CHMP4B: variants seen among roughly 807,000 people sequenced by gnomAD.
CHMP4B encodes SNF7 homolog associated with Alix 1.
CHMP4B carries 1 observed loss-of-function variant against 25.1 expected under a neutral mutation model. That is an observed-to-expected ratio of 0.04 (90% confidence interval 0.01 to 0.19). The LOEUF (loss-of-function observed/expected upper bound fraction) is 0.19, where lower values mean the gene tolerates loss of function less well. Among genes scored for constraint, CHMP4B ranks in the 10% least tolerant of loss-of-function variants. The probability of loss-of-function intolerance (pLI) is 1.00; values close to 1 mark genes in which losing one functional copy is unlikely to be tolerated. For synonymous variants in CHMP4B, 101 were observed against 115.6 expected (o/e 0.87, Z 0.81); for missense variants, 151 against 289.7 (o/e 0.52, Z 3.48).
At chr20:33,846,518 A>G (rs899134340) in intron 1 of CHMP4B, among the ~76,000 whole-genome samples, 1 of 152,146 alleles carries the variant, frequency 6.6e-6, no homozygotes, top group African/African-American at 2.4e-5. Flanking sequence ...TTATGTGTGT[A>G]TGTATGTATT....
chr20:33,826,397 G>T (rs1979095598), intron 1 of CHMP4B, among the ~76,000 whole-genome samples: 1 of 152,116 alleles, frequency 6.6e-6, no homozygotes, highest in South Asian at 2.1e-4. Context: ...GGTAGTGGTG[G>T]CTCAGGTGGG....
intron 1 of CHMP4B, among the ~76,000 whole-genome samples, chr20:33,820,500 T>C (rs1978910054): frequency 6.6e-6 from 1 of 152,254 alleles, no homozygotes; most frequent in African/African-American, 2.4e-5. Context: ...TGCTAGATAC[T>C]GTCCTAGTTG....
intron 1 of CHMP4B, among the ~76,000 whole-genome samples, chr20:33,821,645 T>A (rs939448891): frequency 1.3e-5 from 2 of 151,774 alleles, no homozygotes; most frequent in African/African-American, 4.8e-5. Context: ...CAGATTAGGC[T>A]GGGTATGGTG....
chr20:33,823,405 T>C (rs752218634), intron 1 of CHMP4B, among the ~76,000 whole-genome samples: 4 of 152,118 alleles, frequency 2.6e-5, no homozygotes, highest in Non-Finnish European at 5.9e-5. Flanking sequence ...GGATCTCAGC[T>C]CTGTCGCCCA....
At chr20:33,847,493 G>A (rs1287862288) in intron 1 of CHMP4B, among the ~76,000 whole-genome samples, 1 of 152,164 alleles carries the variant, frequency 6.6e-6, no homozygotes, top group East Asian at 1.9e-4. Context: ...AACTGAGACC[G>A]TGAGGGGAAG....
chr20:33,822,046 A>T (rs1328737589), intron 1 of CHMP4B, among the ~76,000 whole-genome samples: 3 of 151,764 alleles, frequency 2.0e-5, no homozygotes, highest in Non-Finnish European at 4.4e-5. Context: ...GCTGGTCTCA[A>T]ACTCCTGAGC....
In CHMP4B at chr20:33,840,865, A is replaced by G. The variant is rs542733279; in HGVS notation, c.191-7602A>G. Among the ~76,000 whole-genome samples, 33 of 152,232 alleles carry G rather than the reference A, an allele frequency of 2.2e-4. No homozygotes were observed. The South Asian group carries it at 6.0e-3, about 28-fold the overall frequency. On this transcript the variant is annotated intron_variant, in intron 1 of 4. Transcript: ENST00000217402. ...TCATTTTAATCCTCACAATAACCCT[A>G]TGAGGTGCGTGTTGTTATCATGAGG...
chr20:33,816,816 T>C (rs1425295570), intron 1 of CHMP4B, among the ~76,000 whole-genome samples: 2 of 152,234 alleles, frequency 1.3e-5, no homozygotes, highest in Non-Finnish European at 2.9e-5. Context: ...AAACACCCTA[T>C]ACTGGTACAT....
At chr20:33,818,821 A>G (rs181277258) in intron 1 of CHMP4B, among the ~76,000 whole-genome samples, 3 of 152,218 alleles carry the variant, frequency 2.0e-5, no homozygotes, top group Admixed American at 1.3e-4. Context: ...CAGCCATTCT[A>G]CATTTCATTG....
At chr20:33,825,441 C>G (rs554258439) in intron 1 of CHMP4B, among the ~76,000 whole-genome samples, 3 of 152,270 alleles carry the variant, frequency 2.0e-5, no homozygotes, top group Admixed American at 2.0e-4. Context: ...CCTATGAGCT[C>G]ACAGTCCATA....
chr20:33,825,263 G>A (rs566232694), intron 1 of CHMP4B, among the ~76,000 whole-genome samples: 6 of 152,296 alleles, frequency 3.9e-5, no homozygotes, highest in East Asian at 1.9e-4. Flanking sequence ...CCCTTCAACC[G>A]ATATTCACTA....
At position 33,830,933 on chromosome 20, in the gene CHMP4B, G is replaced by GTTTTTTTTTTTTTTTTT. The variant is rs55917511; in HGVS notation, c.191-17518_191-17517insTTTTTTTTTTTTTTTTT. Reference sequence around the variant, plus strand: ...TGAATTAATTGTTCAAAGGAACAGAGTTTTTTTTTTTTTTTTAGTTTTTTT... The same window carrying GTTTTTTTTTTTTTTTTT: ...TGAATTAATTGTTCAAAGGAACAGAGTTTTTTTTTTTTTTTTTTTTTTTTTTTTTTTTTAGTTTTTTT... On this transcript the variant is annotated intron_variant, in intron 1 of 4. Transcript: ENST00000217402. Among the ~76,000 whole-genome samples the GTTTTTTTTTTTTTTTTT allele has an allele frequency of 1.4e-3, 143 of 102,446 alleles. 9 individuals carry two copies. Among genetic ancestry groups the GTTTTTTTTTTTTTTTTT allele is most frequent in the African/African-American group, 1.9e-3 (51 of 27,394 alleles). The allele number at this position is 102,446 out of a possible 152,430, so 67.2% of individuals were successfully genotyped here. A position where few individuals can be genotyped will look rare whatever the true frequency, so the allele number is the denominator to read the frequency against.
At chr20:33,830,005 C>G (rs1245760304) in intron 1 of CHMP4B, among the ~76,000 whole-genome samples, 2 of 152,222 alleles carry the variant, frequency 1.3e-5, no homozygotes, top group Non-Finnish European at 2.9e-5. Context: ...CCCCCACTCC[C>G]ATTTTACAAA....
chr20:33,841,978 G>T lies in CHMP4B; in HGVS notation c.191-6489G>T, dbSNP rs541349490. Among the ~76,000 whole-genome samples the T allele has an allele frequency of 2.6e-5, 4 of 152,252 alleles. No individual in the cohort carries two copies. The South Asian group carries it at 8.3e-4, about 32-fold the overall frequency. On this transcript the variant is annotated intron_variant, in intron 1 of 4. Transcript: ENST00000217402. ...GCTGGAAACCTGGGTACTAGTCCTG[G>T]TTCTTTCTCTGTCTCACTGTGCACT...
chr20:33,823,265 A>T (rs1978997161), intron 1 of CHMP4B, among the ~76,000 whole-genome samples: 1 of 152,060 alleles, frequency 6.6e-6, no homozygotes, highest in Non-Finnish European at 1.5e-5. Context: ...GAGTGGTATT[A>T]TCCTATTTTA....
intron 1 of CHMP4B, among the ~76,000 whole-genome samples, chr20:33,831,995 G>A (rs1411137068): frequency 6.6e-6 from 1 of 152,162 alleles, no homozygotes; most frequent in African/African-American, 2.4e-5. Flanking sequence ...TCATTTGTCT[G>A]CAACCCCTTC....
intron 1 of CHMP4B, among the ~76,000 whole-genome samples, chr20:33,841,810 T>A (rs537644588): frequency 6.6e-6 from 1 of 152,124 alleles, no homozygotes; most frequent in Non-Finnish European, 1.5e-5. Flanking sequence ...AGCTTTAAAA[T>A]GGAGTTTATC....
chr20:33,819,402 G>A (rs1480962074), intron 1 of CHMP4B, among the ~76,000 whole-genome samples: 1 of 152,058 alleles, frequency 6.6e-6, no homozygotes, highest in Non-Finnish European at 1.5e-5. Flanking sequence ...ATTTTCCTGT[G>A]GCTTATTCAT....
intron 1 of CHMP4B, among the ~76,000 whole-genome samples, chr20:33,841,879 A>G (rs1309230228): frequency 1.3e-5 from 2 of 152,192 alleles, no homozygotes; most frequent in Non-Finnish European, 2.9e-5. Context: ...TCCTTATGGC[A>G]CGGGGAACTG....
Sources: allele counts gnomAD v4.1 joint callset (sites outside exome capture counted in the v4.1 genomes callset), GRCh38; gene constraint gnomAD v4.1.1; transcripts MANE v1.5; gene names NCBI Gene and HGNC (gene_info 2026-07-23, HGNC 2026-07-21).